NXNL2: variants seen among roughly 807,000 people sequenced by gnomAD.
The protein encoded by NXNL2 is nucleoredoxin like 2.
In NXNL2, 7 loss-of-function variants were observed where a neutral mutation model predicts 11.1. The observed-to-expected ratio is 0.63, with a 90% CI of 0.36 to 1.18. The LOEUF (loss-of-function observed/expected upper bound fraction) is 1.18. Among genes scored for constraint, NXNL2 ranks in the 50% most tolerant of loss-of-function variants. NXNL2 has a pLI of 0.02. For missense variants in NXNL2, 233 were observed against 217.7 expected, an observed-to-expected ratio of 1.07 and a Z score of -0.44; for synonymous variants, 109 against 101.8, an observed-to-expected ratio of 1.07 and a Z score of -0.42.
chr9:88,550,204 A>G (rs1348258021), intron 1 of NXNL2, among the ~76,000 whole-genome samples: 1 of 152,228 alleles, frequency 6.6e-6, no homozygotes, highest in Admixed American at 6.5e-5. Context: ...TAAACCATTC[A>G]TGAGAAATCC....
At chr9:88,553,203 C>T (rs7856133) in intron 1 of NXNL2, among the ~76,000 whole-genome samples, 3,093 of 152,240 alleles carry the variant, frequency 0.02, 109 homozygotes, top group African/African-American at 0.071. Context: ...TTTGCTAGCC[C>T]GGCTTGGTGA....
At chr9:88,543,346 A>C (rs113696436) in intron 1 of NXNL2, among the ~76,000 whole-genome samples, 5,922 of 151,522 alleles carry the variant, frequency 0.039, 164 homozygotes, top group Non-Finnish European at 0.059. Flanking sequence ...GGCTCACTGC[A>C]GCCTCGACCT....
chr9:88,563,690 C>T (rs1248907633), intron 1 of NXNL2, among the ~76,000 whole-genome samples: 2 of 152,160 alleles, frequency 1.3e-5, no homozygotes, highest in Admixed American at 6.5e-5. Context: ...CTGCTGCTCC[C>T]CTATTTCTCT....
chr9:88,559,655 G>C (rs1054697901), intron 1 of NXNL2, among the ~76,000 whole-genome samples: 1 of 152,154 alleles, frequency 6.6e-6, no homozygotes, highest in Non-Finnish European at 1.5e-5. Flanking sequence ...CCCACTCCAT[G>C]CACTGCCTGT....
chr9:88,556,430 A>G (rs75585706), intron 1 of NXNL2, among the ~76,000 whole-genome samples: 2,550 of 152,262 alleles, frequency 0.017, 69 homozygotes, highest in African/African-American at 0.057. Context: ...AGTTTTTGAC[A>G]TGAGAGGGGA....
At chr9:88,571,925 C>T (rs1470767329) in intron 2 of NXNL2, among the ~76,000 whole-genome samples, 2 of 152,080 alleles carry the variant, frequency 1.3e-5, no homozygotes, top group Non-Finnish European at 2.9e-5. Context: ...TCAGAGGGCA[C>T]GCAGGGAGGG....
At chr9:88,561,461 A>G (rs150761722) in intron 1 of NXNL2, among the ~76,000 whole-genome samples, 137 of 145,422 alleles carry the variant, frequency 9.4e-4, no homozygotes, top group African/African-American at 3.6e-3. Flanking sequence ...ACCATCTACT[A>G]TCTATCTATC....
Position 88,562,297 on chromosome 9 carries a change from G to A in NXNL2, c.303-8790G>A, listed in dbSNP as rs548367308. On this transcript the variant is annotated intron_variant, in intron 1 of 2. Coordinates refer to the NXNL2 transcript ENST00000375855. The stretch of plus-strand genomic sequence containing the variant: ...GTGGAGGGGTGGTTAGAAATGCAAA[G>A]GGCACCCAAGGGTGCGGCTGGGGGC... Among the ~76,000 whole-genome samples the A allele has an allele frequency of 5.3e-5, 8 of 152,256 alleles. No homozygotes were observed. The East Asian group carries it at 1.4e-3, about 26-fold the overall frequency.
At chr9:88,554,070 C>T (rs549165556) in intron 1 of NXNL2, among the ~76,000 whole-genome samples, 5 of 152,220 alleles carry the variant, frequency 3.3e-5, no homozygotes, top group South Asian at 2.1e-4. Context: ...TGAAACTCAT[C>T]GTTATAATGG....
At chr9:88,540,796 A>G (rs1829740755) in intron 1 of NXNL2, among the ~76,000 whole-genome samples, 1 of 145,424 alleles carries the variant, frequency 6.9e-6, no homozygotes, top group South Asian at 2.4e-4. Context: ...GGGGTCATGC[A>G]GCCCCAGAAA....
intron 1 of NXNL2, among the ~76,000 whole-genome samples, chr9:88,583,322 G>A (rs937130459): frequency 1.8e-4 from 27 of 152,230 alleles, no homozygotes; most frequent in African/African-American, 6.5e-4. Flanking sequence ...GAATATCAGG[G>A]TTCACTCTTT....
At chr9:88,545,601 C>T (rs569839442), downstream of NXNL2, among the ~76,000 whole-genome samples, 1 of 152,252 alleles carries the variant, frequency 6.6e-6, no homozygotes, top group African/African-American at 2.4e-5. Context: ...TCTGCGCTGT[C>T]AGTTAACTTC....
chr9:88,535,322 G>A lies in NXNL2; in HGVS notation c.-113G>A. The A allele has an allele frequency of 3.6e-6, 4 of 1,122,490 alleles. No homozygotes were observed. Among genetic ancestry groups the A allele is most frequent in the Non-Finnish European group, 4.9e-6 (4 of 812,902 alleles). 69.5% of individuals were successfully genotyped at this position (1,122,490 alleles called of 1,614,324 possible). A position where few individuals can be genotyped will look rare whatever the true frequency, so the allele number is the denominator to read the frequency against. On this transcript the variant is annotated 5_prime_UTR_variant, in exon 1 of 2. Transcript: ENST00000375854. Reference sequence around the variant, plus strand: ...TCTGGGGCAGGTCTTGAGAGGTCCAGCGCCCGGTGGTGCGGACAGAGGCGG... The same window carrying A: ...TCTGGGGCAGGTCTTGAGAGGTCCAACGCCCGGTGGTGCGGACAGAGGCGG...
In NXNL2 at chr9:88,544,378, G is replaced by C. The variant is rs1829818323; in HGVS notation, c.303-1G>C. 1 of 1,551,690 alleles carries C rather than the reference G, an allele frequency of 6.4e-7. No individual in the cohort carries two copies. The highest frequency in any genetic ancestry group is 2.4e-5 in the East Asian group (1 of 40,902). On this transcript the variant is annotated splice_acceptor_variant, in intron 1 of 1. Coordinates refer to ENST00000375854, the MANE Select transcript of NXNL2 (RefSeq NM_001161625.2). LOFTEE classifies it high-confidence loss of function. ...TTCGGTACCACTCTTCTGTCCTGCA[G>C]TGAGCTGAGGAAGAGGTACAACGTC...
At position 88,535,503 on chromosome 9, in the gene NXNL2, G is replaced by A. The variant is rs1473045525; in HGVS notation, c.69G>A (p.Ala23=). 1 of 1,609,982 alleles carries A rather than the reference G, an allele frequency of 6.2e-7. No homozygotes were observed. Among genetic ancestry groups the A allele is most frequent in the South Asian group, 1.1e-5 (1 of 90,906 alleles). The change falls in exon 1 of 2, where the codon GCG becomes GCA. Residue 23 remains alanine (A), a synonymous_variant. Transcript: ENST00000375854. ...CKGATVEAEA[A]LQNKVVALYF... ...GCGCGACGGTGGAGGCCGAGGCGGC[G>A]CTGCAGAACAAGGTGGTGGCACTGT...
chr9:88,561,355 T>C (rs1165174550), intron 1 of NXNL2, among the ~76,000 whole-genome samples: 2 of 139,944 alleles, frequency 1.4e-5, no homozygotes, highest in Non-Finnish European at 2.9e-5. Flanking sequence ...TATTGTGGAA[T>C]CTTGTGATTG....
exon 3 of NXNL2, chr9:88,575,229 A>G: frequency 5.6e-6 from 5 of 887,552 alleles, no homozygotes; most frequent in Non-Finnish European, 6.7e-6. Flanking sequence ...CATGTGACTC[A>G]GCAATCCTGC....
chr9:88,580,834 C>G (rs1278923942), intron 1 of NXNL2, among the ~76,000 whole-genome samples: 1 of 152,230 alleles, frequency 6.6e-6, no homozygotes, highest in Non-Finnish European at 1.5e-5. Flanking sequence ...TCCTTGGTCT[C>G]TTTTAGTCTG....
chr9:88,559,792 A>G (rs1830064195), intron 1 of NXNL2, among the ~76,000 whole-genome samples: 1 of 152,020 alleles, frequency 6.6e-6, no homozygotes, highest in African/African-American at 2.4e-5. Context: ...GTGTGTGTCC[A>G]TCTTTCAGGA....
Sources: gnomAD v4.1 joint callset for allele counts (sites outside exome capture counted in the v4.1 genomes callset) on GRCh38, gnomAD v4.1.1 for gene constraint, MANE v1.5 for transcripts, NCBI Gene and HGNC (gene_info 2026-07-23, HGNC 2026-07-21) for gene names.